ACBD5: variants seen among roughly 807,000 people sequenced by gnomAD.
ACBD5 encodes acyl-CoA-binding domain-containing protein 5.
A neutral mutation model predicts 71.8 loss-of-function variants in ACBD5; 40 were observed. The observed-to-expected ratio is 0.56, with a 90% confidence interval of 0.43 to 0.72. ACBD5 has a LOEUF of 0.72. Ranked by LOEUF, ACBD5 falls within the 30% of genes least tolerant of loss-of-function variation. The pLI is 0.00. For missense variants in ACBD5, 559 were observed against 644.5 expected (o/e 0.87, Z 1.44); for synonymous variants, 229 against 218.6 (o/e 1.05, Z -0.42).
chr10:27,223,811 G>A (rs1185049472), intron 4 of ACBD5, among the ~76,000 whole-genome samples: 1 of 152,186 alleles, frequency 6.6e-6, no homozygotes, highest in Non-Finnish European at 1.5e-5. Flanking sequence ...TCCAGAGGCT[G>A]AGGTGGGAGG....
Position 27,240,777 on chromosome 10 carries a change from C to A in ACBD5, c.-89G>T. On this transcript the variant is annotated 5_prime_UTR_variant, in exon 1 of 13. Transcript: ENST00000396271. This position sits in a 1 kb window ranked among gnomAD's most constrained non-coding sequence, Gnocchi z 4.1. ...GACCCTGGCGGAGCAGCCACACCCCCCATTCCGCCGGAGTCCGTCTGTCAG... is the reference window on the plus strand; with the variant it reads ...GACCCTGGCGGAGCAGCCACACCCCACATTCCGCCGGAGTCCGTCTGTCAG... 2 of 1,538,320 alleles carry A rather than the reference C, an allele frequency of 1.3e-6. No homozygotes were observed. The highest frequency in any genetic ancestry group is 2.0e-5 in the Admixed American group (1 of 50,970).
intron 12 of ACBD5, among the ~76,000 whole-genome samples, chr10:27,204,015 C>G (rs2060203961): frequency 6.6e-6 from 1 of 151,510 alleles, no homozygotes; most frequent in African/African-American, 2.4e-5. Context: ...GTAGTCCCAG[C>G]CACTCAGGAG....
Position 27,197,097 on chromosome 10 carries a change from A to C in ACBD5, c.*333T>G, listed in dbSNP as rs756991490. ...CAATGGTACCTTTGAAAAGCAGCTT[A>C]TGTTACTCTATGGAAGATAATCAGG... On this transcript the variant is annotated 3_prime_UTR_variant, in exon 13 of 13. Coordinates refer to ENST00000396271, the MANE Select transcript of ACBD5 (RefSeq NM_145698.5). The C allele has an allele frequency of 4.2e-6, 2 of 475,892 alleles. No individual in the cohort carries two copies. Among genetic ancestry groups the C allele is most frequent in the South Asian group, 3.5e-5 (2 of 57,200 alleles). The allele number at this position is 475,892 out of a possible 1,614,324, so 29.5% of individuals were successfully genotyped here.
chr10:27,226,981 T>G (rs2063127834), intron 4 of ACBD5, among the ~76,000 whole-genome samples: 1 of 144,350 alleles, frequency 6.9e-6, no homozygotes, highest in South Asian at 2.2e-4. Flanking sequence ...TTCGTAAACT[T>G]TCTTAAAACA....
intron 13 of ACBD5, among the ~76,000 whole-genome samples, chr10:27,183,676 A>G (rs2058460108): frequency 6.6e-6 from 1 of 152,170 alleles, no homozygotes; most frequent in African/African-American, 2.4e-5. Context: ...TGTCATTTGC[A>G]TCAGCTTCTA....
At chr10:27,241,500 C>G (rs116311979), upstream of ACBD5, among the ~76,000 whole-genome samples, 12,082 of 152,088 alleles carry the variant, frequency 0.079, 1,574 homozygotes, top group African/African-American at 0.27. Flanking sequence ...GGACGGAGGG[C>G]AACTTCCCCT....
At chr10:27,187,443 T>C (rs1458523445) in intron 13 of ACBD5, among the ~76,000 whole-genome samples, 1 of 152,112 alleles carries the variant, frequency 6.6e-6, no homozygotes, top group East Asian at 1.9e-4. Flanking sequence ...TAGTCCACAA[T>C]ATGTATTTGT....
chr10:27,198,667 CAA>C (rs2059601327), intron 12 of ACBD5, among the ~76,000 whole-genome samples: 1 of 152,152 alleles, frequency 6.6e-6, no homozygotes. Flanking sequence ...AAATGGTTGA[CAA>C]AGACAAGAGA....
At chr10:27,241,679 C>T (rs992928790), upstream of ACBD5, among the ~76,000 whole-genome samples, 5 of 143,830 alleles carry the variant, frequency 3.5e-5, no homozygotes, top group Non-Finnish European at 6.1e-5. Context: ...ACGAGCCTGG[C>T]AACATGGCGA....
downstream of ACBD5, among the ~76,000 whole-genome samples, chr10:27,191,654 C>A (rs1026218726): frequency 1.3e-5 from 2 of 152,232 alleles, no homozygotes; most frequent in East Asian, 3.9e-4. Context: ...GAGATCGAGG[C>A]AGGCAGGTCA....
intron 5 of ACBD5, among the ~76,000 whole-genome samples, chr10:27,222,661 C>T (rs1201438876): frequency 6.7e-6 from 1 of 150,010 alleles, no homozygotes; most frequent in Non-Finnish European, 1.5e-5. Flanking sequence ...AACTTTGCCT[C>T]CTGGGTTCAA....
At chr10:27,197,977 TCTTA>T (rs781255277) in intron 12 of ACBD5, among the ~76,000 whole-genome samples, 13 of 152,230 alleles carry the variant, frequency 8.5e-5, no homozygotes, top group Admixed American at 2.6e-4. Context: ...ATTCATCCTC[TCTTA>T]CTTTCTAGAT....
rs775993976 is a variant in ACBD5, at chr10:27,215,589, G to A, written c.882C>T (p.Ser294=). Residue 294 remains serine, a synonymous_variant, in exon 8 of 13, where the codon AGC becomes AGT. Transcript: ENST00000396271. ...EDVTGIQHLT[S]DSDSEVYCDS... ...CACAGTAAACTTCACTGTCTGAATC[G>A]CTTGTCAAATGCTGAATTCCTGTAA... 64 of 1,613,270 alleles carry A rather than the reference G, an allele frequency of 4.0e-5. No individual in the cohort carries two copies. The highest frequency in any genetic ancestry group is 3.7e-4 in the South Asian group (34 of 91,052).
intron 3 of ACBD5, 103 bp downstream of exon 3, chr10:27,234,989 G>A (rs2064455432): frequency 1.7e-6 from 2 of 1,211,840 alleles, no homozygotes; most frequent in Non-Finnish European, 2.4e-6. Flanking sequence ...CAATACCTAG[G>A]ACACTTTCTG....
chr10:27,189,163 T>A (rs1233736253), intron 13 of ACBD5, among the ~76,000 whole-genome samples: 2 of 152,224 alleles, frequency 1.3e-5, no homozygotes. Flanking sequence ...TCCCAAAGGT[T>A]CCAGTCCTTG....
chr10:27,208,786 C>T (rs575349387), intron 9 of ACBD5, among the ~76,000 whole-genome samples: 19 of 151,946 alleles, frequency 1.3e-4, no homozygotes, highest in African/African-American at 4.3e-4. Context: ...TGCAGTGAGC[C>T]GAGATCATGC....
intron 5 of ACBD5, 194 bp downstream of exon 5, chr10:27,223,144 G>A: frequency 2.8e-6 from 2 of 712,560 alleles, no homozygotes; most frequent in South Asian, 1.5e-5. Flanking sequence ...CTGTAAGTTT[G>A]TGCAGAATTC....
At position 27,186,408 on chromosome 10, in the gene ACBD5, G is replaced by A. The variant is rs767887274; in HGVS notation, c.1494-3693C>T. ...AAAACGTCATCCTCTCTTCAGTGAT[G>A]TGGACTGGGAAAATCTGCAGCATCA... On this transcript the variant is annotated intron_variant, in intron 13 of 13. Transcript: ENST00000676511. The A allele has an allele frequency of 2.5e-6, 4 of 1,614,090 alleles. No homozygotes were observed. In the South Asian group the frequency reaches 4.4e-5, roughly 18 times the overall value.
rs1169917244 is a variant in ACBD5, at chr10:27,228,791, T to TTATATATATATATATA, written c.375+2941_375+2956dup. Among the ~76,000 whole-genome samples, 121 of 22,104 alleles carry TTATATATATATATATA rather than the reference T, an allele frequency of 5.5e-3. 17 individuals carry two copies. Among genetic ancestry groups the TTATATATATATATATA allele is most frequent in the Non-Finnish European group, 0.015 (87 of 5,970 alleles). The allele number at this position is 22,104 out of a possible 152,430, so 14.5% of individuals were successfully genotyped here. On this transcript the variant is annotated intron_variant, in intron 4 of 12. Coordinates refer to ENST00000396271, the MANE Select transcript of ACBD5 (RefSeq NM_145698.5). The stretch of plus-strand genomic sequence containing the variant: ...TCTATAAAACATAATCCTATTATGT[T>TTATATATATATATATA]TATATATATATATATATATATATAT...
Sources: allele counts gnomAD v4.1 joint callset (sites outside exome capture counted in the v4.1 genomes callset), GRCh38; gene constraint gnomAD v4.1.1; non-coding constraint Gnocchi (gnomAD v3.1); transcripts MANE v1.5; gene names NCBI Gene and HGNC (gene_info 2026-07-23, HGNC 2026-07-21).